The following PARD3B variants were observed in gnomAD, a reference collection of about 807,000 sequenced individuals.
PARD3B encodes partitioning defective 3 homolog B.
PARD3B carries 103 observed loss-of-function variants against 130.2 expected under a neutral mutation model. The ratio of observed to expected loss-of-function variants is 0.79; its 90% confidence interval spans 0.67 to 0.93. The LOEUF (loss-of-function observed/expected upper bound fraction) is 0.93, where lower values mean the gene tolerates loss of function less well. Among genes scored for constraint, PARD3B ranks in the 40% least tolerant of loss-of-function variants. The probability of loss-of-function intolerance (pLI) is 0.00; values close to 1 mark genes in which losing one functional copy is unlikely to be tolerated. For missense variants in PARD3B, 1,609 were observed against 1,499.2 expected, an observed-to-expected ratio of 1.07 and a Z score of -1.21; for synonymous variants, 583 against 553.2, an observed-to-expected ratio of 1.05 and a Z score of -0.76.
At chr2:204,856,258 T>C (rs2044932830) in intron 2 of PARD3B, among the ~76,000 whole-genome samples, 1 of 152,210 alleles carries the variant, frequency 6.6e-6, no homozygotes, top group Non-Finnish European at 1.5e-5. Context: ...GGAGGTGATA[T>C]CTCATTGTGG....
At chr2:205,424,439 G>C (rs541191854) in intron 19 of PARD3B, among the ~76,000 whole-genome samples, 3 of 152,230 alleles carry the variant, frequency 2.0e-5, no homozygotes, top group African/African-American at 7.2e-5. Context: ...CCAGGGCCTT[G>C]GGAAGTGTGG....
chr2:204,897,627 G>C, intron 2 of PARD3B, among the ~76,000 whole-genome samples: 1 of 151,978 alleles, frequency 6.6e-6, no homozygotes. Flanking sequence ...CCAGGATATT[G>C]ACAGTGATAC....
At chr2:205,106,133 T>TTTTA (rs1231973271) in intron 5 of PARD3B, among the ~76,000 whole-genome samples, 2 of 151,636 alleles carry the variant, frequency 1.3e-5, no homozygotes, top group African/African-American at 2.4e-5. Context: ...ATATATATTC[T>TTTTA]TTTATTTATT....
chr2:205,497,840 G>T (rs2049992179), intron 20 of PARD3B, among the ~76,000 whole-genome samples: 9 of 152,052 alleles, frequency 5.9e-5, no homozygotes, highest in Admixed American at 5.9e-4. Context: ...ACCAAAATTT[G>T]TAAGTGATAT....
Position 205,572,836 on chromosome 2 carries a change from GA to G in PARD3B, c.3260+19436del, listed in dbSNP as rs2053607270. On this transcript the variant is annotated intron_variant, in intron 22 of 22. Coordinates refer to ENST00000406610, the MANE Select transcript of PARD3B (RefSeq NM_001302769.2). The surrounding 1 kb of genome is among the most constrained non-coding windows in gnomAD (Gnocchi z 4.2). Reference sequence around the variant, plus strand: ...TCCCTACAAAAGATGCTGAAAGCCTGAAATGAGGACATAAGTGGGTGTATTA... The same window carrying G: ...TCCCTACAAAAGATGCTGAAAGCCTGAATGAGGACATAAGTGGGTGTATTA... 6.6e-6 allele frequency among the ~76,000 whole-genome samples: 1 copy of G among 152,180 alleles called. No homozygotes were observed. Among genetic ancestry groups the G allele is most frequent in the Non-Finnish European group, 1.5e-5 (1 of 68,026 alleles).
chr2:205,250,488 C>G (rs2039795676), intron 16 of PARD3B, among the ~76,000 whole-genome samples: 1 of 152,130 alleles, frequency 6.6e-6, no homozygotes, highest in South Asian at 2.1e-4. Context: ...TGGTTGGCAG[C>G]AAGTCCAGAC....
At chr2:205,076,948 T>C (rs1466381851) in intron 4 of PARD3B, among the ~76,000 whole-genome samples, 3 of 152,122 alleles carry the variant, frequency 2.0e-5, no homozygotes, top group African/African-American at 7.2e-5. Context: ...TTTCCTAAAT[T>C]TATTTGACTG....
chr2:205,073,857 C>A (rs980187496), intron 4 of PARD3B, among the ~76,000 whole-genome samples: 11 of 152,094 alleles, frequency 7.2e-5, no homozygotes, highest in Non-Finnish European at 1.6e-4. Flanking sequence ...CAATGATCCC[C>A]AGTGTTTTGT....
At chr2:205,577,280 CTTCTAT>C in intron 22 of PARD3B, among the ~76,000 whole-genome samples, 1 of 151,858 alleles carries the variant, frequency 6.6e-6, no homozygotes, top group East Asian at 1.9e-4. Context: ...ATCTGTATAC[CTTCTAT>C]TTCTTTTTCT....
intron 1 of PARD3B, among the ~76,000 whole-genome samples, chr2:204,639,543 T>G (rs2035001608): frequency 6.6e-6 from 1 of 152,222 alleles, no homozygotes; most frequent in Admixed American, 6.5e-5. Flanking sequence ...GACTTTTTTC[T>G]TGTCATTATT....
At chr2:204,616,652 C>T (rs1431810847) in intron 1 of PARD3B, among the ~76,000 whole-genome samples, 3 of 152,182 alleles carry the variant, frequency 2.0e-5, no homozygotes, top group Non-Finnish European at 4.4e-5. Flanking sequence ...TATGTTCACA[C>T]AAAAATCTGC....
intron 4 of PARD3B, among the ~76,000 whole-genome samples, chr2:205,061,912 TTTTG>T (rs1291057921): frequency 6.6e-6 from 1 of 152,112 alleles, no homozygotes; most frequent in Non-Finnish European, 1.5e-5. Context: ...CTTATAATTA[TTTTG>T]TTTAAGTTGA....
chr2:204,700,541 T>G (rs2037841220), intron 2 of PARD3B, among the ~76,000 whole-genome samples: 1 of 152,146 alleles, frequency 6.6e-6, no homozygotes, highest in Admixed American at 6.6e-5. Flanking sequence ...TGACATCTAG[T>G]TGATTAATAC....
intron 11 of PARD3B, among the ~76,000 whole-genome samples, chr2:205,166,215 A>G (rs1407128875): frequency 6.6e-6 from 1 of 152,202 alleles, no homozygotes; most frequent in Non-Finnish European, 1.5e-5. Flanking sequence ...CACTAATATG[A>G]TAAGAGCTAT....
At chr2:205,595,373 C>T (rs899172755) in intron 22 of PARD3B, among the ~76,000 whole-genome samples, 12 of 152,170 alleles carry the variant, frequency 7.9e-5, no homozygotes, top group Admixed American at 1.3e-4. Flanking sequence ...ATGGGGCAAA[C>T]GGTAAATAAC....
In PARD3B at chr2:205,142,909, T is replaced by TAAATAAATAAATAAGA. The variant is rs2033084788; in HGVS notation, c.1435-15811_1435-15810insATAAATAAATAAGAAA. Among the ~76,000 whole-genome samples, 1 of 151,306 alleles carries TAAATAAATAAATAAGA rather than the reference T, an allele frequency of 6.6e-6. No homozygotes were observed. Among genetic ancestry groups the TAAATAAATAAATAAGA allele is most frequent in the South Asian group, 2.1e-4 (1 of 4,776 alleles). On this transcript the variant is annotated intron_variant, in intron 10 of 22. Coordinates refer to ENST00000406610, the MANE Select transcript of PARD3B (RefSeq NM_001302769.2). The surrounding 1 kb of genome is among the most constrained non-coding windows in gnomAD (Gnocchi z 4.3). ...ATAAATAAATAAATAAATAAATAAA[T>TAAATAAATAAATAAGA]AAGATAGGCAAGCTGGCAAATAATT...
At chr2:205,416,588 T>G (rs1000925598) in intron 19 of PARD3B, among the ~76,000 whole-genome samples, 1 of 152,290 alleles carries the variant, frequency 6.6e-6, no homozygotes, top group East Asian at 1.9e-4. Flanking sequence ...GTGAGCAGCA[T>G]GCACAAAAGT....
chr2:205,148,044 A>G (rs2033489967), intron 10 of PARD3B, among the ~76,000 whole-genome samples: 1 of 152,094 alleles, frequency 6.6e-6, no homozygotes, highest in Admixed American at 6.5e-5. Context: ...CTATAGCTAG[A>G]CAATATAGAG....
chr2:205,109,331 G>T (rs1703457521), intron 5 of PARD3B, among the ~76,000 whole-genome samples: 1 of 152,166 alleles, frequency 6.6e-6, no homozygotes, highest in Admixed American at 6.5e-5. Context: ...CAGAAAATCA[G>T]CTAACACTCA....
Sources: gnomAD v4.1 joint callset for allele counts (sites outside exome capture counted in the v4.1 genomes callset) on GRCh38, gnomAD v4.1.1 for gene constraint, Gnocchi (gnomAD v3.1) non-coding constraint, MANE v1.5 for transcripts, NCBI Gene and HGNC (gene_info 2026-07-23, HGNC 2026-07-21) for gene names.